The following ADAMTS7 variants were observed in gnomAD, a reference collection of about 807,000 sequenced individuals.
The protein encoded by ADAMTS7 is A disintegrin and metalloproteinase with thrombospondin motifs 7.
ADAMTS7 carries 89 observed loss-of-function variants against 172.6 expected under a neutral mutation model. The ratio of observed to expected loss-of-function variants is 0.52; its 90% CI spans 0.43 to 0.61. The LOEUF (loss-of-function observed/expected upper bound fraction) is 0.61, where lower values mean the gene tolerates loss of function less well. Among genes scored for constraint, ADAMTS7 ranks in the 20% least tolerant of loss-of-function variants. The pLI, the probability that ADAMTS7 is intolerant of heterozygous loss-of-function variation, is 0.00. For synonymous variants in ADAMTS7, 885 were observed against 978.4 expected (o/e 0.90, Z 1.78); for missense variants, 1,973 against 2,355.6 (o/e 0.84, Z 3.36).
At position 78,763,786 on chromosome 15, in the gene ADAMTS7, G is replaced by T; in HGVS notation, c.4653C>A (p.Gly1551=). Residue 1551 remains glycine, a synonymous_variant, in exon 22 of 24, where the codon GGC becomes GGA. Coordinates refer to ENST00000388820, the MANE Select transcript of ADAMTS7 (RefSeq NM_014272.5). ...TGGGTCTCAGCGCCTCCTCGCAGAG[G>T]CCTGGCTCCGGGCAGGTCACTAGAC... ...QQRLVTCPEP[G]LCEEALRPNT... is the part of the protein sequence containing the mutation. 2 of 1,589,754 alleles carry T rather than the reference G, an allele frequency of 1.3e-6. No individual in the cohort carries two copies. Among genetic ancestry groups the T allele is most frequent in the Non-Finnish European group, 1.7e-6 (2 of 1,170,752 alleles).
At chr15:78,763,111 C>T (rs866814477) in intron 22 of ADAMTS7, among the ~76,000 whole-genome samples, 4 of 152,330 alleles carry the variant, frequency 2.6e-5, no homozygotes, top group East Asian at 1.9e-4. Flanking sequence ...ATTTAATCCT[C>T]CTGACCCTCC....
At chr15:78,799,837 C>CTTT (rs563089296) in intron 2 of ADAMTS7, among the ~76,000 whole-genome samples, 4 of 145,626 alleles carry the variant, frequency 2.7e-5, no homozygotes, top group African/African-American at 1.0e-4. Flanking sequence ...TTCTTTCTTT[C>CTTT]TTTTTTTTTT....
chr15:78,772,777 G>A lies in ADAMTS7; in HGVS notation c.2131+306C>T, dbSNP rs193043299. On this transcript the variant is annotated intron_variant, in intron 14 of 23. Coordinates refer to ENST00000388820, the MANE Select transcript of ADAMTS7 (RefSeq NM_014272.5). ...CAAAACAGACCGGAGGTGAGGACAC[G>A]GAGCTGGGGTCTCAGAAGCTTCAGG... Among the ~76,000 whole-genome samples the A allele has an allele frequency of 4.5e-3, 683 of 152,344 alleles. 6 individuals carry two copies. Among genetic ancestry groups the A allele is most frequent in the African/African-American group, 0.016 (649 of 41,584 alleles).
intron 11 of ADAMTS7, among the ~76,000 whole-genome samples, chr15:78,775,934 T>C (rs544774712): frequency 3.3e-5 from 5 of 152,342 alleles, no homozygotes; most frequent in East Asian, 1.9e-4. Flanking sequence ...TGCTTTGCCA[T>C]GTGGCCTCTG....
intron 7 of ADAMTS7, 30 bp from the exon 8 acceptor site, chr15:78,788,404 G>C: frequency 1.9e-6 from 3 of 1,607,884 alleles, no homozygotes; most frequent in Non-Finnish European, 2.5e-6. Flanking sequence ...CCAGGGGCGG[G>C]TGAGCCGGCG....
chr15:78,762,607 C>T (rs1170068181), intron 22 of ADAMTS7, 42 bp from the exon 23 acceptor site: 4 of 1,252,080 alleles, frequency 3.2e-6, no homozygotes, highest in Non-Finnish European at 4.3e-6. Context: ...CAGGGCCAGC[C>T]CTAGCAGTGG....
At chr15:78,807,515 C>T (rs2055812373) in intron 1 of ADAMTS7, among the ~76,000 whole-genome samples, 3 of 152,200 alleles carry the variant, frequency 2.0e-5, no homozygotes, top group Admixed American at 1.3e-4. Context: ...GATTAGTGAG[C>T]TCTAGAGCCA....
chr15:78,766,826 G>T lies in ADAMTS7; in HGVS notation c.3085C>A (p.Arg1029Ser). 6.2e-7 allele frequency: 1 copy of T among 1,610,060 alleles called. No individual in the cohort carries two copies. Among genetic ancestry groups the T allele is most frequent in the Non-Finnish European group, 8.5e-7 (1 of 1,179,612 alleles). The change falls in exon 19 of 24, where the codon CGC becomes AGC. Residue 1029 changes from arginine to serine, a missense_variant. Arg to Ser is a moderately radical substitution (Grantham distance 110). Coordinates refer to ENST00000388820, the MANE Select transcript of ADAMTS7 (RefSeq NM_014272.5). ...ADFIPHHLAPRPSPASSPKPG... is the reference protein window; with the variant it reads ...ADFIPHHLAPSPSPASSPKPG... Reference sequence around the variant, plus strand: ...TTGGGTGATGAGGCGGGTGAAGGGCGTGGGGCCAGGTGGTGCGGGATGAAG... The same window carrying T: ...TTGGGTGATGAGGCGGGTGAAGGGCTTGGGGCCAGGTGGTGCGGGATGAAG...
chr15:78,767,646 G>A, intron 17 of ADAMTS7, 54 bp from the exon 18 acceptor site: 2 of 1,475,094 alleles, frequency 1.4e-6, no homozygotes, highest in South Asian at 1.3e-5. Flanking sequence ...TGGCCTGCAG[G>A]CTCACCAGCA....
At chr15:78,804,040 T>C (rs1352087953) in intron 1 of ADAMTS7, among the ~76,000 whole-genome samples, 1 of 152,208 alleles carries the variant, frequency 6.6e-6, no homozygotes, top group African/African-American at 2.4e-5. Context: ...GTGTCCAGAC[T>C]GCTTCCTAGG....
At position 78,763,729 on chromosome 15, in the gene ADAMTS7, G is replaced by A. The variant is rs1347186016; in HGVS notation, c.4710C>T (p.Cys1570=). ...NTTRPCNTHP[C]TQWVVGPWGQ... Reference sequence around the variant, plus strand: ...CCCAGGGCCCCACCACCCACTGCGTGCAGGGGTGGGTGTTGCAGGGCCGGG... The same window carrying A: ...CCCAGGGCCCCACCACCCACTGCGTACAGGGGTGGGTGTTGCAGGGCCGGG... The change falls in exon 22 of 24, where the codon TGC becomes TGT. Residue 1570 remains cysteine, a synonymous_variant. Transcript: ENST00000388820. 5.0e-6 allele frequency: 8 copies of A among 1,587,188 alleles called. No individual in the cohort carries two copies. In the African/African-American group the frequency reaches 8.0e-5, roughly 16 times the overall value.
At chr15:78,808,831 C>A (rs1316840302) in intron 1 of ADAMTS7, among the ~76,000 whole-genome samples, 1 of 152,238 alleles carries the variant, frequency 6.6e-6, no homozygotes, top group African/African-American at 2.4e-5. Flanking sequence ...CAAATCTATT[C>A]TGCCAAGTCA....
At chr15:78,783,113 A>G (rs954382260) in intron 8 of ADAMTS7, among the ~76,000 whole-genome samples, 10 of 152,186 alleles carry the variant, frequency 6.6e-5, no homozygotes, top group Non-Finnish European at 1.5e-4. Context: ...ACTCAGAAAA[A>G]TGACCTCAGA....
rs143685502 is a variant in ADAMTS7, at chr15:78,782,878, C to T, written c.1323-5290G>A. Among the ~76,000 whole-genome samples the T allele has an allele frequency of 4.0e-3, 615 of 151,910 alleles. 1 individual carries two copies. Among genetic ancestry groups the T allele is most frequent in the African/African-American group, 0.012 (497 of 41,244 alleles). On this transcript the variant is annotated intron_variant, in intron 8 of 23. Transcript: ENST00000388820. ...GTAGCCAAGTGATGGCCACCTGCCA[C>T]CCAGCAGAGGGCCGGGGATCACTCC... is the stretch of plus-strand genomic sequence containing the variant.
At chr15:78,761,481 A>G (rs2055042121) in intron 23 of ADAMTS7, among the ~76,000 whole-genome samples, 1 of 152,150 alleles carries the variant, frequency 6.6e-6, no homozygotes, top group South Asian at 2.1e-4. Flanking sequence ...GGGAGGGGAA[A>G]AAGCCACCTT....
chr15:78,760,014 C>T (rs12441683), intron 23 of ADAMTS7, among the ~76,000 whole-genome samples: 67,357 of 150,750 alleles, frequency 0.45, 15,153 homozygotes, highest in Middle Eastern at 0.57. Flanking sequence ...CGCCCCCTGC[C>T]CCAGTGCATC....
At chr15:78,769,148 C>T (rs1014205729) in intron 16 of ADAMTS7, among the ~76,000 whole-genome samples, 1 of 152,202 alleles carries the variant, frequency 6.6e-6, no homozygotes, top group Admixed American at 6.5e-5. Flanking sequence ...GCTCTCCATC[C>T]CCACACCAGG....
Position 78,765,917 on chromosome 15 carries a change from C to T in ADAMTS7, c.3994G>A (p.Val1332Met). The T allele has an allele frequency of 6.3e-7, 1 of 1,581,000 alleles. No homozygotes were observed. Among genetic ancestry groups the T allele is most frequent in the Non-Finnish European group, 8.6e-7 (1 of 1,164,510 alleles). The change falls in exon 19 of 24, where the codon GTG becomes ATG. Residue 1332 changes from valine (V) to methionine (M), a missense_variant. Val to Met is a conservative substitution (Grantham distance 21). This residue lies in a region of ADAMTS7 where 771 missense variants were observed against 952.6 expected (regional missense o/e 0.81). Transcript: ENST00000388820. ...GTTGTGGGGAGGAAGGTCCCCCACACTGCCACAGTCTGCAGGTCCCATGAG... is the reference window on the plus strand; with the variant it reads ...GTTGTGGGGAGGAAGGTCCCCCACATTGCCACAGTCTGCAGGTCCCATGAG... ...PGSWDLQTVA[V>M]WGTFLPTTLT...
chr15:78,791,282 G>GCCCCCGGGGCCCCCCCCCCC, intron 4 of ADAMTS7, 59 bp from the exon 5 acceptor site: 1 of 1,488,264 alleles, frequency 6.7e-7, no homozygotes, highest in Non-Finnish European at 9.1e-7. Context: ...AGCAGCCAAT[G>GCCCCCGGGGCCCCCCCCCCC]CCCACCCCAA....
Sources: allele counts gnomAD v4.1 joint callset (sites outside exome capture counted in the v4.1 genomes callset), GRCh38; gene constraint gnomAD v4.1.1; regional missense constraint gnomAD v4.1.1; transcripts MANE v1.5; gene names NCBI Gene and HGNC (gene_info 2026-07-23, HGNC 2026-07-21).